Variants in DRC5 observed in about 807,000 individuals in gnomAD.
DRC5 encodes T-complex-associated testis-expressed protein 1.
chr6:44,282,402 C>T, the DRC5 span: 77 of 1,614,094 alleles, frequency 4.8e-5, no homozygotes, highest in South Asian at 3.2e-4. Flanking sequence ...CACACGCAGG[C>T]GGCTGTGGCT....
At chr6:44,285,979 T>C in the DRC5 span, 3 of 1,613,582 alleles carry the variant, frequency 1.9e-6, no homozygotes, top group Middle Eastern at 1.7e-4. Flanking sequence ...GGGTGTGGCA[T>C]GCCTTGATGG....
the DRC5 span, chr6:44,287,982 G>C: frequency 3.8e-5 from 34 of 892,974 alleles, no homozygotes; most frequent in Admixed American, 8.5e-4. Context: ...TTTACTAAGA[G>C]AGGTGGTACA....
At chr6:44,293,915 A>G in the DRC5 span, among the ~76,000 whole-genome samples, 1 of 152,228 alleles carries the variant, frequency 6.6e-6, no homozygotes, top group Non-Finnish European at 1.5e-5. Flanking sequence ...TTTTAAAAAC[A>G]TATCTCATCA....
the DRC5 span, among the ~76,000 whole-genome samples, chr6:44,281,889 T>A: frequency 5.5e-3 from 839 of 152,366 alleles, 12 homozygotes; most frequent in African/African-American, 0.019. Context: ...CTTAGTTATA[T>A]ACTTAAATAT....
chr6:44,282,494 C>T, the DRC5 span: 1 of 1,608,524 alleles, frequency 6.2e-7, no homozygotes, highest in Admixed American at 1.7e-5. Context: ...CTGGGTGGTC[C>T]AGAAGGCTTC....
the DRC5 span, among the ~76,000 whole-genome samples, chr6:44,295,889 G>T: frequency 6.6e-6 from 1 of 152,184 alleles, no homozygotes; most frequent in East Asian, 1.9e-4. Context: ...GGATTACTCA[G>T]AAGATTAAGG....
chr6:44,290,857 ACACCTGGGAAACCC>A, the DRC5 span, among the ~76,000 whole-genome samples: 6 of 152,204 alleles, frequency 3.9e-5, no homozygotes, highest in East Asian at 1.2e-3. Flanking sequence ...CTGGGGAGCC[ACACCTGGGAAACCC>A]CACCTGGGGC....
chr6:44,284,202 C>T, the DRC5 span, among the ~76,000 whole-genome samples: 32 of 152,142 alleles, frequency 2.1e-4, no homozygotes, highest in African/African-American at 7.2e-4. Flanking sequence ...AATAGCTCCC[C>T]CTCAGTGACC....
At chr6:44,288,471 T>C in the DRC5 span, among the ~76,000 whole-genome samples, 1 of 152,052 alleles carries the variant, frequency 6.6e-6, no homozygotes, top group Non-Finnish European at 1.5e-5. Flanking sequence ...GAACCCTACA[T>C]TGGACCGGCC....
the DRC5 span, among the ~76,000 whole-genome samples, chr6:44,291,321 C>A: frequency 1.3e-5 from 2 of 152,150 alleles, no homozygotes; most frequent in Non-Finnish European, 2.9e-5. Context: ...ACCAGACACA[C>A]AAGATTCTTC....
the DRC5 span, among the ~76,000 whole-genome samples, chr6:44,290,955 T>C: frequency 1.3e-5 from 2 of 152,224 alleles, no homozygotes; most frequent in African/African-American, 4.8e-5. Flanking sequence ...CCTGGAGTTC[T>C]TCCTACGATC....
chr6:44,285,529 C>CT, the DRC5 span, among the ~76,000 whole-genome samples: 2 of 152,212 alleles, frequency 1.3e-5, no homozygotes, highest in African/African-American at 4.8e-5. Flanking sequence ...CTCTGGAAGA[C>CT]TACAAGCGTG....
the DRC5 span, among the ~76,000 whole-genome samples, chr6:44,293,760 G>A: frequency 6.6e-6 from 1 of 152,146 alleles, no homozygotes; most frequent in Non-Finnish European, 1.5e-5. Flanking sequence ...GCGCTCCCAG[G>A]CCTTTGGCAC....
At chr6:44,294,237 C>A in the DRC5 span, among the ~76,000 whole-genome samples, 8 of 152,132 alleles carry the variant, frequency 5.3e-5, no homozygotes, top group African/African-American at 1.9e-4. Context: ...CCGCCTTGGC[C>A]TCCCAAAGCG....
At chr6:44,283,747 G>C in the DRC5 span, among the ~76,000 whole-genome samples, 26 of 152,190 alleles carry the variant, frequency 1.7e-4, no homozygotes, top group African/African-American at 4.8e-4. Context: ...GGCTTGTAAC[G>C]CTGCATGCCA....
chr6:44,280,022 C>T, the DRC5 span: 1 of 663,026 alleles, frequency 1.5e-6, no homozygotes, highest in South Asian at 2.1e-5. Flanking sequence ...AGGCTCCCTT[C>T]CCTGCCTCAT....
chr6:44,286,342 G>C, the DRC5 span: 3 of 1,613,908 alleles, frequency 1.9e-6, no homozygotes, highest in Non-Finnish European at 2.5e-6. Context: ...GGTGCCGCTC[G>C]AAGAACATGC....
At chr6:44,292,969 C>T in the DRC5 span, among the ~76,000 whole-genome samples, 1 of 152,110 alleles carries the variant, frequency 6.6e-6, no homozygotes, top group East Asian at 1.9e-4. Context: ...CTAATAAGTC[C>T]CTTTGCCAAA....
the DRC5 span, among the ~76,000 whole-genome samples, chr6:44,295,495 G>A: frequency 2.0e-5 from 3 of 152,232 alleles, no homozygotes; most frequent in Admixed American, 6.5e-5. Flanking sequence ...AGGGAACAAC[G>A]TCTATACCAG....
Sources: allele counts gnomAD v4.1 joint callset (sites outside exome capture counted in the v4.1 genomes callset), GRCh38; gene constraint gnomAD v4.1.1; transcripts MANE v1.5; gene names NCBI Gene and HGNC (gene_info 2026-07-23, HGNC 2026-07-21).